Variants in VWA3B observed in about 807,000 individuals in gnomAD.
VWA3B encodes von Willebrand factor A domain-containing protein 3B.
In VWA3B, 138 loss-of-function variants were observed where a neutral mutation model predicts 158.3. The ratio of observed to expected loss-of-function variants is 0.87; its 90% CI spans 0.76 to 1.00. The LOEUF (loss-of-function observed/expected upper bound fraction) is 1.00. VWA3B is among the 50% of genes least tolerant of loss of function. The pLI, the probability that VWA3B is intolerant of heterozygous loss-of-function variation, is 0.00. For synonymous variants in VWA3B, 596 were observed against 587.3 expected, an observed-to-expected ratio of 1.01 and a Z score of -0.21; for missense variants, 1,555 against 1,565.1, an observed-to-expected ratio of 0.99 and a Z score of 0.11.
chr2:98,114,415 A>C (rs994968564), intron 2 of VWA3B, among the ~76,000 whole-genome samples: 3 of 152,214 alleles, frequency 2.0e-5, no homozygotes, highest in African/African-American at 7.2e-5. Flanking sequence ...GATGGAATTC[A>C]AGTATCCATT....
rs1381131246 is a variant in VWA3B, at chr2:98,119,862, G to A, written c.542+99G>A. 12 of 1,410,906 alleles carry A rather than the reference G, an allele frequency of 8.5e-6. No homozygotes were observed. The South Asian group carries it at 1.4e-4, about 17-fold the overall frequency. The allele number at this position is 1,410,906 out of a possible 1,614,324, so 87.4% of individuals were successfully genotyped here. ...CAGCTGACACAGTTAGCTCTCTGGT[G>A]AGGGAAGAGGCATTATCTTATACTT... On this transcript the variant is annotated intron_variant, in intron 4 of 27. Transcript: ENST00000477737.
intron 2 of VWA3B, among the ~76,000 whole-genome samples, chr2:98,108,330 C>A (rs963368216): frequency 4.2e-4 from 64 of 152,194 alleles, no homozygotes; most frequent in African/African-American, 1.3e-3. Flanking sequence ...AGTGTGTATT[C>A]TGCTGTTGTT....
At chr2:98,279,640 G>A (rs1197977128) in intron 22 of VWA3B, among the ~76,000 whole-genome samples, 2 of 152,206 alleles carry the variant, frequency 1.3e-5, no homozygotes, top group Non-Finnish European at 2.9e-5. Context: ...CAGGACCCCA[G>A]GACAAGCAAT....
Position 98,313,004 on chromosome 2 carries a change from T to C in VWA3B, c.*655T>C, listed in dbSNP as rs1299523190. The C allele has an allele frequency of 6.6e-6, 1 of 152,238 alleles. No homozygotes were observed. The highest frequency in any genetic ancestry group is 2.4e-5 in the African/African-American group (1 of 41,456). 9.4% of individuals were successfully genotyped at this position (152,238 alleles called of 1,614,324 possible). On this transcript the variant is annotated 3_prime_UTR_variant, in exon 28 of 28. Transcript: ENST00000477737. ...CTCTGAACACATTTTAGCAATGACA[T>C]ATGAAAGTATTCAGTTGTGTTTACT...
chr2:98,205,131 A>G (rs1682908745), intron 12 of VWA3B, among the ~76,000 whole-genome samples: 2 of 152,118 alleles, frequency 1.3e-5, no homozygotes, highest in South Asian at 4.2e-4. Flanking sequence ...AAATTAATGA[A>G]TTAATTCTCT....
chr2:98,312,184 A>T lies in VWA3B; in HGVS notation c.3736-16A>T. The T allele has an allele frequency of 6.2e-7, 1 of 1,614,158 alleles. No individual in the cohort carries two copies. The highest frequency in any genetic ancestry group is 8.5e-7 in the Non-Finnish European group (1 of 1,180,030). Reference sequence around the variant, plus strand: ...ACCCTAACATCCTTAAGTAATGCTGAACTCTGCTTCCCCAGACAGCCCACC... The same window carrying T: ...ACCCTAACATCCTTAAGTAATGCTGTACTCTGCTTCCCCAGACAGCCCACC... On this transcript the variant is annotated splice_polypyrimidine_tract_variant and intron_variant, in intron 27 of 27. Transcript: ENST00000477737.
At chr2:98,172,286 G>A (rs188137293) in intron 8 of VWA3B, among the ~76,000 whole-genome samples, 1 of 152,278 alleles carries the variant, frequency 6.6e-6, no homozygotes, top group East Asian at 1.9e-4. Flanking sequence ...GGAGTCAGGC[G>A]GCTTGGCAGC....
intron 21 of VWA3B, among the ~76,000 whole-genome samples, chr2:98,266,262 T>G (rs1192466195): frequency 1.3e-5 from 2 of 152,134 alleles, no homozygotes; most frequent in African/African-American, 4.8e-5. Flanking sequence ...TTTCTACATA[T>G]GGCTTAGCCA....
intron 6 of VWA3B, among the ~76,000 whole-genome samples, chr2:98,129,871 A>C (rs1675723268): frequency 6.6e-6 from 1 of 152,062 alleles, no homozygotes; most frequent in African/African-American, 2.4e-5. Flanking sequence ...ATATTTGTAC[A>C]TATTTATAGG....
intron 7 of VWA3B, among the ~76,000 whole-genome samples, chr2:98,142,139 G>A (rs868096000): frequency 7.9e-5 from 12 of 152,148 alleles, no homozygotes; most frequent in African/African-American, 1.4e-4. Context: ...GGGTCTAGTC[G>A]TTGGATATCT....
intron 7 of VWA3B, among the ~76,000 whole-genome samples, chr2:98,140,014 C>A (rs946190127): frequency 7.9e-5 from 12 of 152,238 alleles, no homozygotes; most frequent in Admixed American, 2.6e-4. Flanking sequence ...GAGGAACGAA[C>A]AACTCCAGAA....
At chr2:98,199,929 A>T (rs373687695) in intron 12 of VWA3B, among the ~76,000 whole-genome samples, 14 of 152,294 alleles carry the variant, frequency 9.2e-5, no homozygotes, top group African/African-American at 3.4e-4. Flanking sequence ...AAACTGCCAA[A>T]CTGTTTCCCA....
chr2:98,089,469 C>T (rs1160326728), intron 1 of VWA3B, among the ~76,000 whole-genome samples: 1 of 146,244 alleles, frequency 6.8e-6, no homozygotes, highest in Non-Finnish European at 1.5e-5. Context: ...ATAGGAGAGC[C>T]GTCTGAGACC....
At chr2:98,132,252 C>T (rs187069329) in intron 6 of VWA3B, among the ~76,000 whole-genome samples, 12 of 152,334 alleles carry the variant, frequency 7.9e-5, no homozygotes, top group African/African-American at 2.6e-4. Context: ...TGCAGGCAAG[C>T]GTAACCCATC....
intron 2 of VWA3B, among the ~76,000 whole-genome samples, chr2:98,109,074 C>T (rs1406377217): frequency 6.6e-6 from 1 of 150,534 alleles, no homozygotes; most frequent in East Asian, 1.9e-4. Context: ...CTCACCACAA[C>T]CTCTGCCTCC....
rs571934459 is a variant in VWA3B at position 98,293,057 on chromosome 2, G to A, written c.3157+2435G>A. Among the ~76,000 whole-genome samples the A allele has an allele frequency of 1.3e-4, 20 of 152,184 alleles. No individual in the cohort carries two copies. In the South Asian group the frequency reaches 3.7e-3, roughly 28 times the overall value. ...TGGGGTCACTGCTGGCTAGGGCCCC[G>A]GGAAAATGTAGAATGGCTCGAACTT... On this transcript the variant is annotated intron_variant, in intron 23 of 27. Transcript: ENST00000477737.
At chr2:98,115,843 G>T in intron 3 of VWA3B, 97 bp downstream of exon 3, 2 of 1,012,474 alleles carry the variant, frequency 2.0e-6, no homozygotes, top group South Asian at 1.4e-5. Flanking sequence ...GCTTGGCAGG[G>T]ATGCAGCTGA....
chr2:98,093,645 T>G (rs1682512878), intron 2 of VWA3B, among the ~76,000 whole-genome samples: 1 of 152,230 alleles, frequency 6.6e-6, no homozygotes, highest in East Asian at 1.9e-4. Context: ...TAGTCATTTT[T>G]TGTGGTGAGA....
rs185585318 is a variant in VWA3B at position 98,222,651 on chromosome 2, C to T, written c.2019+4623C>T. ...ACCTGGAGGACAGCAGGGGAGGTACCAAGAGACACCTGGAAGCCTGACGGA... is the reference window on the plus strand; with the variant it reads ...ACCTGGAGGACAGCAGGGGAGGTACTAAGAGACACCTGGAAGCCTGACGGA... On this transcript the variant is annotated intron_variant, in intron 14 of 27. Coordinates refer to ENST00000477737, the MANE Select transcript of VWA3B (RefSeq NM_144992.5). Among the ~76,000 whole-genome samples the T allele has an allele frequency of 2.2e-3, 328 of 152,296 alleles. 1 individual carries two copies. The highest frequency in any genetic ancestry group is 3.3e-3 in the Non-Finnish European group (226 of 68,024).
Sources: allele counts gnomAD v4.1 joint callset (sites outside exome capture counted in the v4.1 genomes callset), GRCh38; gene constraint gnomAD v4.1.1; transcripts MANE v1.5; gene names NCBI Gene and HGNC (gene_info 2026-07-23, HGNC 2026-07-21).